SIDT2: variants seen among roughly 807,000 people sequenced by gnomAD.
The protein encoded by SIDT2 is SID1 transmembrane family member 2.
In SIDT2, 68 loss-of-function variants were observed where a neutral mutation model predicts 114.4. The ratio of observed to expected loss-of-function variants is 0.59; its 90% CI spans 0.49 to 0.73. The LOEUF is 0.73. SIDT2 is among the 30% of genes least tolerant of loss of function. The pLI, the probability that SIDT2 is intolerant of heterozygous loss-of-function variation, is 0.00. For missense variants in SIDT2, 918 were observed against 1,097.1 expected (o/e 0.84, Z 2.31); for synonymous variants, 470 against 438.4 (o/e 1.07, Z -0.90).
intron 8 of SIDT2, chr11:117,185,893 A>AATAG: frequency 1.1e-5 from 2 of 184,912 alleles, no homozygotes; most frequent in Non-Finnish European, 2.1e-5. Flanking sequence ...AAAAAAAAAA[A>AATAG]AAGTAGAAGA....
Position 117,188,662 on chromosome 11 carries a change from G to A in SIDT2, c.1160-46G>A. ...CCTCAGATGGGCGAGGGCCACTGTG[G>A]GTTTTGTGTCCACCGGTGCAACCCC... On this transcript the variant is annotated intron_variant, in intron 12 of 25. Coordinates refer to ENST00000324225, the MANE Select transcript of SIDT2 (RefSeq NM_001040455.2). The surrounding 1 kb of genome is among the most constrained non-coding windows in gnomAD (Gnocchi z 4.0). The A allele has an allele frequency of 1.4e-6, 2 of 1,463,304 alleles. No homozygotes were observed. The highest frequency in any genetic ancestry group is 2.3e-5 in the South Asian group (2 of 88,152). The allele number at this position is 1,463,304 out of a possible 1,614,324, so 90.6% of individuals were successfully genotyped here.
At chr11:117,193,997 A>C in intron 24 of SIDT2, 34 bp downstream of exon 24, 1 of 1,528,536 alleles carries the variant, frequency 6.5e-7, no homozygotes. Flanking sequence ...TTGTGAGCCA[A>C]CAAGTGGCCA....
In SIDT2 at chr11:117,178,898, T is replaced by TC. The variant is rs974518224; in HGVS notation, c.-364dup. The TC allele has an allele frequency of 5.4e-4, 113 of 209,304 alleles. No homozygotes were observed. The highest frequency in any genetic ancestry group is 3.6e-3 in the Middle Eastern group (2 of 556). The allele number at this position is 209,304 out of a possible 1,614,324, so 13.0% of individuals were successfully genotyped here. A position where few individuals can be genotyped will look rare whatever the true frequency, so the allele number is the denominator to read the frequency against. On this transcript the variant is annotated 5_prime_UTR_variant, in exon 1 of 26. Transcript: ENST00000324225. Reference sequence around the variant, plus strand: ...GCGGCCAGCCCCCGCCGCCGGCTCTTCCTCCCTCCCCTTTCCCGGCGTCTC... The same window carrying TC: ...GCGGCCAGCCCCCGCCGCCGGCTCTTCCCTCCCTCCCCTTTCCCGGCGTCTC...
At position 117,182,720 on chromosome 11, in the gene SIDT2, C is replaced by T. The variant is rs1200172599; in HGVS notation, c.619-3C>T. 6 of 1,614,062 alleles carry T rather than the reference C, an allele frequency of 3.7e-6. No individual in the cohort carries two copies. In the East Asian group the frequency reaches 8.9e-5, roughly 24 times the overall value. On this transcript the variant is annotated splice_region_variant and splice_polypyrimidine_tract_variant and intron_variant, in intron 5 of 25. Transcript: ENST00000324225. Reference sequence around the variant, plus strand: ...TCCATCTGCCTCTCCCGCCCCTCTGCAGTGTCCTGTCTATGACCTGGACAA... The same window carrying T: ...TCCATCTGCCTCTCCCGCCCCTCTGTAGTGTCCTGTCTATGACCTGGACAA...
At position 117,192,062 on chromosome 11, in the gene SIDT2, A is replaced by C; in HGVS notation, c.1872+48A>C. ...TCAGCCTGTATGATAGGAAAGGTGCACGTGCGTTCAGACACGTAGTGCACA... is the reference window on the plus strand; with the variant it reads ...TCAGCCTGTATGATAGGAAAGGTGCCCGTGCGTTCAGACACGTAGTGCACA... On this transcript the variant is annotated intron_variant, in intron 19 of 25. Coordinates refer to ENST00000324225, the MANE Select transcript of SIDT2 (RefSeq NM_001040455.2). This position sits in a 1 kb window ranked among gnomAD's most constrained non-coding sequence, Gnocchi z 5.9. 9.3e-6 allele frequency: 15 copies of C among 1,610,686 alleles called. No individual in the cohort carries two copies. The highest frequency in any genetic ancestry group is 1.3e-5 in the Non-Finnish European group (15 of 1,177,916).
intron 1 of SIDT2, chr11:117,179,685 C>T (rs1266392584): frequency 5.9e-6 from 3 of 512,242 alleles, no homozygotes; most frequent in African/African-American, 1.9e-5. Flanking sequence ...CTCTTCCGCC[C>T]CCATTCTTCC....
intron 18 of SIDT2, chr11:117,191,044 G>A (rs536412723): frequency 2.9e-5 from 6 of 207,122 alleles, no homozygotes; most frequent in Non-Finnish European, 5.9e-5. Flanking sequence ...TTGGGAGGCC[G>A]AGGCAGATGG....
chr11:117,193,329 A>G, intron 23 of SIDT2, 71 bp downstream of exon 23: 1 of 1,301,868 alleles, frequency 7.7e-7, no homozygotes, highest in Non-Finnish European at 1.1e-6. Context: ...GCCCGGCAGC[A>G]TTGAGGGGCA....
rs772513024 is a variant in SIDT2 at position 117,188,852 on chromosome 11, C to G, written c.1278+26C>G. On this transcript the variant is annotated intron_variant, in intron 13 of 25. Coordinates refer to ENST00000324225, the MANE Select transcript of SIDT2 (RefSeq NM_001040455.2). This position sits in a 1 kb window ranked among gnomAD's most constrained non-coding sequence, Gnocchi z 4.0. The stretch of plus-strand genomic sequence containing the variant: ...GTCTGACCCGTGGGCCTGGCCTGGT[C>G]AGGCGTTTCCTGAGAAAGGGACATT... 1.3e-6 allele frequency: 2 copies of G among 1,597,180 alleles called. No homozygotes were observed. The highest frequency in any genetic ancestry group is 1.7e-4 in the Middle Eastern group (1 of 6,028).
intron 8 of SIDT2, 25 bp downstream of exon 8, chr11:117,184,164 G>A (rs781234390): frequency 1.3e-4 from 202 of 1,609,324 alleles, no homozygotes; most frequent in Admixed American, 3.3e-5. Flanking sequence ...TGGCTGAGAG[G>A]GGATGGACAA....
intron 4 of SIDT2, 89 bp downstream of exon 4, chr11:117,182,194 T>C: frequency 6.8e-7 from 1 of 1,461,430 alleles, no homozygotes; most frequent in Non-Finnish European, 9.4e-7. Context: ...GCTTGGCCTT[T>C]TGAATTGGCT....
rs778953424 is a variant in SIDT2 at position 117,181,941 on chromosome 11, G to A, written c.440G>A (p.Arg147Gln). ...LSPVNTTYQL[R>Q]VSRMDDFVLR... ...CCAGTCAACACCACATACCAGCTCC[G>A]GGTCAGCCGCATGGACGATTTTGTG... is the stretch of plus-strand genomic sequence containing the variant. Residue 147 changes from arginine (R) to glutamine (Q), a missense_variant, in exon 3 of 26, where the codon CGG becomes CAG. Around this residue, in one of 4 missense-constraint regions of SIDT2, gnomAD observed 553 missense variants for 600.1 expected, o/e 0.92. Transcript: ENST00000324225. The A allele has an allele frequency of 3.1e-6, 5 of 1,614,030 alleles. No individual in the cohort carries two copies. The highest frequency in any genetic ancestry group is 1.1e-5 in the South Asian group (1 of 91,084).
Position 117,188,890 on chromosome 11 carries a change from C to G in SIDT2, c.1278+64C>G, listed in dbSNP as rs1260647784. On this transcript the variant is annotated intron_variant, in intron 13 of 25. Coordinates refer to ENST00000324225, the MANE Select transcript of SIDT2 (RefSeq NM_001040455.2). The surrounding 1 kb of genome is among the most constrained non-coding windows in gnomAD (Gnocchi z 4.0). Reference sequence around the variant, plus strand: ...AGAAAGGGACATTCTGCGTTCCCGCCCCAGCATGTTCCCACTGACGTGGCA... The same window carrying G: ...AGAAAGGGACATTCTGCGTTCCCGCGCCAGCATGTTCCCACTGACGTGGCA... 1 of 1,463,652 alleles carries G rather than the reference C, an allele frequency of 6.8e-7. No homozygotes were observed. Among genetic ancestry groups the G allele is most frequent in the African/African-American group, 1.4e-5 (1 of 71,728 alleles). 90.7% of individuals were successfully genotyped at this position (1,463,652 alleles called of 1,614,324 possible).
intron 8 of SIDT2, chr11:117,185,893 A>AAAAAAAAG: frequency 5.4e-6 from 1 of 184,910 alleles, no homozygotes. Context: ...AAAAAAAAAA[A>AAAAAAAAG]AAGTAGAAGA....
At position 117,179,430 on chromosome 11, in the gene SIDT2, C is replaced by T; in HGVS notation, c.167C>T (p.Thr56Ile). The change falls in exon 1 of 26, where the codon ACT becomes ATT. Residue 56 changes from threonine (T) to isoleucine (I), a missense_variant. Thr to Ile is a moderately conservative substitution (Grantham distance 89). This residue lies in a region of SIDT2 where 553 missense variants were observed against 600.1 expected (regional missense o/e 0.92). Coordinates refer to ENST00000324225, the MANE Select transcript of SIDT2 (RefSeq NM_001040455.2). The part of the protein sequence containing the change: ...ELVNIYTFNH[T>I]VTRNRTEGVR... ...GTCAACATCTACACCTTCAACCATA[C>T]TGTGACCCGCAACAGGGTGAGGGCT... 13 of 1,613,464 alleles carry T rather than the reference C, an allele frequency of 8.1e-6. No homozygotes were observed. The highest frequency in any genetic ancestry group is 1.1e-5 in the Non-Finnish European group (13 of 1,179,628).
Position 117,188,677 on chromosome 11 carries a change from G to A in SIDT2, c.1160-31G>A, listed in dbSNP as rs767563795. ...GGCCACTGTGGGTTTTGTGTCCACCGGTGCAACCCCTCCCTCCCTGCCCTT... is the reference window on the plus strand; with the variant it reads ...GGCCACTGTGGGTTTTGTGTCCACCAGTGCAACCCCTCCCTCCCTGCCCTT... On this transcript the variant is annotated intron_variant, in intron 12 of 25. Coordinates refer to ENST00000324225, the MANE Select transcript of SIDT2 (RefSeq NM_001040455.2). This position sits in a 1 kb window ranked among gnomAD's most constrained non-coding sequence, Gnocchi z 4.0. The A allele has an allele frequency of 7.0e-6, 11 of 1,560,990 alleles. No individual in the cohort carries two copies. In the East Asian group the frequency reaches 1.1e-4, roughly 16 times the overall value.
Position 117,179,691 on chromosome 11 carries a change from C to A in SIDT2, c.183+245C>A, listed in dbSNP as rs535247547. 13 of 507,780 alleles carry A rather than the reference C, an allele frequency of 2.6e-5. No individual in the cohort carries two copies. In the East Asian group the frequency reaches 4.3e-4, roughly 17 times the overall value. 31.5% of individuals were successfully genotyped at this position (507,780 alleles called of 1,614,324 possible). On this transcript the variant is annotated intron_variant, in intron 1 of 25. Transcript: ENST00000324225. ...TCCCATCTTCTCTTCCGCCCCCATT[C>A]TTCCATCAGTTGTGGTCTGAGCACA...
chr11:117,195,660 C>A (rs1233888980), intron 24 of SIDT2, 142 bp from the exon 25 acceptor site: 3 of 786,606 alleles, frequency 3.8e-6, no homozygotes, highest in Non-Finnish European at 6.4e-6. Flanking sequence ...GGGGTAGGGA[C>A]AAGGACAAGG....
rs766938503 is a variant in SIDT2 at position 117,190,712 on chromosome 11, G to A, written c.1707G>A (p.Val569=). ...GGCTGCTCAGTGCTTGCTATCATGT[G>A]TGCCCCAACTATACCAATTTCCAGT... The part of the protein sequence containing the change: ...MEGLLSACYH[V]CPNYTNFQFD... The change falls in exon 18 of 26, where the codon GTG becomes GTA. Residue 569 remains valine, a synonymous_variant. Coordinates refer to ENST00000324225, the MANE Select transcript of SIDT2 (RefSeq NM_001040455.2). The surrounding 1 kb of genome is among the most constrained non-coding windows in gnomAD (Gnocchi z 4.1). 1.9e-6 allele frequency: 3 copies of A among 1,613,794 alleles called. No homozygotes were observed. Among genetic ancestry groups the A allele is most frequent in the African/African-American group, 2.7e-5 (2 of 74,900 alleles).
Sources: allele counts gnomAD v4.1 joint callset, GRCh38; gene constraint gnomAD v4.1.1; regional missense constraint gnomAD v4.1.1; non-coding constraint Gnocchi (gnomAD v3.1); transcripts MANE v1.5; gene names NCBI Gene and HGNC (gene_info 2026-07-23, HGNC 2026-07-21).